Variants in EDNRB observed in about 807,000 individuals in gnomAD.
EDNRB encodes the protein Hirschsprung disease 2.
EDNRB carries 18 observed loss-of-function variants against 46.4 expected under a neutral mutation model. That is an observed-to-expected ratio of 0.39 (90% confidence interval 0.27 to 0.57). The LOEUF is 0.57. Ranked by LOEUF, EDNRB falls within the 20% of genes least tolerant of loss-of-function variation. The pLI is 0.61. For synonymous variants in EDNRB, 213 were observed against 204.9 expected (o/e 1.04, Z -0.34); for missense variants, 434 against 537.5 (o/e 0.81, Z 1.90).
intron 1 of EDNRB, among the ~76,000 whole-genome samples, chr13:77,955,237 A>G (rs1234221695): frequency 2.6e-5 from 4 of 152,162 alleles, no homozygotes; most frequent in Admixed American, 1.3e-4. Context: ...TGAGGTTGAG[A>G]ATCTTTTCAT....
chr13:77,900,744 A>G (rs2137605200), intron 4 of EDNRB, 90 bp from the exon 5 acceptor site: 1 of 1,569,368 alleles, frequency 6.4e-7, no homozygotes, highest in Admixed American at 1.8e-5. Context: ...TATTGTCTAC[A>G]AAAAGTCAGT....
In EDNRB at chr13:77,896,849, T is replaced by C; in HGVS notation, c.*1351A>G. On this transcript the variant is annotated 3_prime_UTR_variant, in exon 7 of 7. Transcript: ENST00000646607. Reference sequence around the variant, plus strand: ...CCAAGCTATCCTAAGGCACTTTGCTTAGAAGATATAAAAATTAGGCAGGAA... The same window carrying C: ...CCAAGCTATCCTAAGGCACTTTGCTCAGAAGATATAAAAATTAGGCAGGAA... 9.5e-7 allele frequency: 1 copy of C among 1,052,436 alleles called. No individual in the cohort carries two copies. 65.2% of individuals were successfully genotyped at this position (1,052,436 alleles called of 1,614,324 possible). A position where few individuals can be genotyped will look rare whatever the true frequency, so the allele number is the denominator to read the frequency against.
intron 1 of EDNRB, among the ~76,000 whole-genome samples, chr13:77,915,604 G>C (rs780673965): frequency 1.3e-5 from 2 of 152,200 alleles, no homozygotes; most frequent in African/African-American, 4.8e-5. Context: ...AAGCAGGAAT[G>C]ATAACGATAC....
chr13:77,901,107 A>G lies in EDNRB; in HGVS notation c.902T>C (p.Leu301Ser), dbSNP rs112067501. Residue 301 changes from leucine to serine, a missense_variant, in exon 4 of 7, where the codon TTG (leucine) becomes TCG (serine). Coordinates refer to ENST00000646607, the MANE Select transcript of EDNRB (RefSeq NM_001122659.3). Reference sequence around the variant, plus strand: ...AATCTGCATGCCACTTTTCTTTCTCAACATTTCACAGGTCATTAGTGTATA... The same window carrying G: ...AATCTGCATGCCACTTTTCTTTCTCGACATTTCACAGGTCATTAGTGTATA... ...FFYTLMTCEMLRKKSGMQIAL... is the reference protein window; with the variant it reads ...FFYTLMTCEMSRKKSGMQIAL... 6.2e-7 allele frequency: 1 copy of G among 1,611,464 alleles called. No homozygotes were observed. Among genetic ancestry groups the G allele is most frequent in the Non-Finnish European group, 8.5e-7 (1 of 1,178,462 alleles).
intron 1 of EDNRB, among the ~76,000 whole-genome samples, chr13:77,916,339 G>T (rs1879803807): frequency 6.6e-6 from 1 of 152,196 alleles, no homozygotes; most frequent in Admixed American, 6.5e-5. Context: ...ATTAGAATGG[G>T]AAGATTTAGT....
intron 1 of EDNRB, among the ~76,000 whole-genome samples, chr13:77,931,241 A>G (rs1455723425): frequency 1.3e-5 from 2 of 152,198 alleles, no homozygotes; most frequent in East Asian, 3.8e-4. Flanking sequence ...GCTGAGTTTT[A>G]TTAGAGTTTG....
chr13:77,962,926 T>A (rs1881469934), intron 1 of EDNRB, among the ~76,000 whole-genome samples: 4 of 152,192 alleles, frequency 2.6e-5, no homozygotes, highest in African/African-American at 9.7e-5. Context: ...CAGCAAAGTC[T>A]CAGGATACAA....
chr13:77,903,024 G>T, intron 3 of EDNRB, 132 bp downstream of exon 3: 1 of 963,742 alleles, frequency 1.0e-6, no homozygotes, highest in Non-Finnish European at 1.6e-6. Flanking sequence ...CACAGTCCTT[G>T]GATCTATACT....
In EDNRB at chr13:77,910,261, C is replaced by T. The variant is rs9574119; in HGVS notation, c.484-6654G>A. On this transcript the variant is annotated intron_variant, in intron 1 of 6. Transcript: ENST00000646607. Reference sequence around the variant, plus strand: ...ATTCCATCCTGTGATAAGTTGTGAACGTTTCTTTAAACGACTGGCATTATA... The same window carrying T: ...ATTCCATCCTGTGATAAGTTGTGAATGTTTCTTTAAACGACTGGCATTATA... 3.0e-4 allele frequency among the ~76,000 whole-genome samples: 46 copies of T among 152,036 alleles called. No individual in the cohort carries two copies. In the East Asian group the frequency reaches 8.3e-3, roughly 28 times the overall value.
chr13:77,898,363 G>A, intron 6 of EDNRB, 29 bp from the exon 7 acceptor site: 2 of 1,610,188 alleles, frequency 1.2e-6, no homozygotes, highest in Non-Finnish European at 1.7e-6. Context: ...CTCATTATAT[G>A]TTAACATCAG....
In EDNRB at chr13:77,912,063, T is replaced by C. The variant is rs894441395; in HGVS notation, c.483+6028A>G. Among the ~76,000 whole-genome samples, 10 of 152,262 alleles carry C rather than the reference T, an allele frequency of 6.6e-5. No homozygotes were observed. In the East Asian group the frequency reaches 1.5e-3, roughly 24 times the overall value. The stretch of plus-strand genomic sequence containing the variant: ...ACAGAGATACCCTTATATGGTTTTC[T>C]TTGTGAATTGAAGAACATGGCTCCC... On this transcript the variant is annotated intron_variant, in intron 1 of 6. Coordinates refer to ENST00000646607, the MANE Select transcript of EDNRB (RefSeq NM_001122659.3).
intron 1 of EDNRB, among the ~76,000 whole-genome samples, chr13:77,934,351 T>A (rs1360320926): frequency 6.6e-6 from 1 of 152,154 alleles, no homozygotes; most frequent in African/African-American, 2.4e-5. Context: ...TCCGTTCTAC[T>A]TTTCCTGAAG....
chr13:77,963,123 A>C (rs995424920), intron 1 of EDNRB, among the ~76,000 whole-genome samples: 20 of 152,230 alleles, frequency 1.3e-4, no homozygotes, highest in African/African-American at 4.8e-4. Flanking sequence ...ATAAAAGAGG[A>C]CACAAACAAA....
intron 1 of EDNRB, among the ~76,000 whole-genome samples, chr13:77,949,564 CT>C (rs1316379998): frequency 2.6e-5 from 4 of 152,280 alleles, no homozygotes; most frequent in Admixed American, 2.6e-4. Flanking sequence ...TCAACTCAGC[CT>C]TAGACCTTAA....
intron 1 of EDNRB, among the ~76,000 whole-genome samples, chr13:77,930,183 G>A (rs1880352995): frequency 6.6e-6 from 1 of 152,126 alleles, no homozygotes. Flanking sequence ...TGGTTTACTG[G>A]TCTGCAAAAA....
chr13:77,900,770 T>C (rs964810060), intron 4 of EDNRB, 116 bp from the exon 5 acceptor site: 1 of 1,442,588 alleles, frequency 6.9e-7, no homozygotes, highest in Non-Finnish European at 9.6e-7. Context: ...ATGTAAAAAC[T>C]CAGGACACTG....
At chr13:77,904,121 G>A (rs1358980853) in intron 1 of EDNRB, among the ~76,000 whole-genome samples, 3 of 151,938 alleles carry the variant, frequency 2.0e-5, no homozygotes, top group Non-Finnish European at 4.4e-5. Flanking sequence ...AGTAGGAGTA[G>A]CTACACAGTT....
chr13:77,919,749 CA>C, upstream of EDNRB: 1 of 824,918 alleles, frequency 1.2e-6, no homozygotes, highest in South Asian at 1.8e-5. Context: ...CGTCCGGGGA[CA>C]GGTCCCAAAA....
chr13:77,966,710 T>C (rs1594402671), intron 1 of EDNRB, among the ~76,000 whole-genome samples: 1 of 152,194 alleles, frequency 6.6e-6, no homozygotes, highest in Non-Finnish European at 1.5e-5. Flanking sequence ...AGTTACTCTT[T>C]CAACATAGAT....
Sources: allele counts gnomAD v4.1 joint callset (sites outside exome capture counted in the v4.1 genomes callset), GRCh38; gene constraint gnomAD v4.1.1; transcripts MANE v1.5; gene names NCBI Gene and HGNC (gene_info 2026-07-23, HGNC 2026-07-21).